GLIS1: variants seen among roughly 807,000 people sequenced by gnomAD.
GLIS1 encodes the protein GLIS family zinc finger 1.
GLIS1 carries 24 observed loss-of-function variants against 63.8 expected under a neutral mutation model. The observed-to-expected ratio is 0.38, with a 90% CI of 0.27 to 0.53. GLIS1 has a LOEUF of 0.53. Ranked by LOEUF, GLIS1 falls within the 20% of genes least tolerant of loss-of-function variation. The pLI, the probability that GLIS1 is intolerant of heterozygous loss-of-function variation, is 0.85. For missense variants in GLIS1, 1,036 were observed against 1,074.1 expected, an observed-to-expected ratio of 0.96 and a Z score of 0.50; for synonymous variants, 450 against 482.5, an observed-to-expected ratio of 0.93 and a Z score of 0.88.
chr1:53,678,155 A>C (rs1017330560), intron 2 of GLIS1, among the ~76,000 whole-genome samples: 2 of 151,988 alleles, frequency 1.3e-5, no homozygotes, highest in Non-Finnish European at 2.9e-5. Context: ...GGGCACCCCC[A>C]TCAGACCTGA....
intron 2 of GLIS1, among the ~76,000 whole-genome samples, chr1:53,616,255 A>G (rs1332116672): frequency 1.3e-5 from 2 of 152,204 alleles, no homozygotes; most frequent in Non-Finnish European, 2.9e-5. Context: ...ATGGTGACCA[A>G]CACTCAAAAC....
intron 4 of GLIS1, among the ~76,000 whole-genome samples, chr1:53,583,996 C>T (rs1302888635): frequency 1.3e-5 from 2 of 152,214 alleles, no homozygotes; most frequent in Non-Finnish European, 2.9e-5. Flanking sequence ...CTAGGCTGAC[C>T]TGGCCTGGCC....
At chr1:53,697,431 A>G (rs1427177187) in intron 2 of GLIS1, among the ~76,000 whole-genome samples, 1 of 152,134 alleles carries the variant, frequency 6.6e-6, no homozygotes, top group Non-Finnish European at 1.5e-5. Context: ...CACCCTTCAA[A>G]GCATGGTTCA....
chr1:53,715,478 C>T (rs895471406), intron 2 of GLIS1, among the ~76,000 whole-genome samples: 8 of 152,106 alleles, frequency 5.3e-5, no homozygotes, highest in African/African-American at 1.7e-4. Flanking sequence ...GAACAGAGGG[C>T]GGACAGAGGG....
intron 2 of GLIS1, among the ~76,000 whole-genome samples, chr1:53,636,468 A>G (rs1180053179): frequency 2.0e-5 from 3 of 152,268 alleles, no homozygotes; most frequent in African/African-American, 7.2e-5. Flanking sequence ...TAATGTGATA[A>G]AGAATATTTG....
intron 7 of GLIS1, among the ~76,000 whole-genome samples, chr1:53,514,999 G>A (rs193191395): frequency 6.6e-6 from 1 of 152,276 alleles, no homozygotes; most frequent in Non-Finnish European, 1.5e-5. Flanking sequence ...GCTGTGTCCA[G>A]GGCTGGGGCT....
At chr1:53,645,038 T>C (rs1645828288) in intron 2 of GLIS1, among the ~76,000 whole-genome samples, 1 of 152,210 alleles carries the variant, frequency 6.6e-6, no homozygotes, top group Non-Finnish European at 1.5e-5. Context: ...GGCATGTGCA[T>C]AGGAAATGTC....
At chr1:53,654,980 G>A (rs1230314440) in intron 2 of GLIS1, among the ~76,000 whole-genome samples, 20 of 152,196 alleles carry the variant, frequency 1.3e-4, no homozygotes, top group Non-Finnish European at 1.5e-5. Context: ...TGCTTACATG[G>A]GGATGGGGAT....
At chr1:53,552,016 A>T (rs1357743630) in intron 4 of GLIS1, among the ~76,000 whole-genome samples, 2 of 151,652 alleles carry the variant, frequency 1.3e-5, no homozygotes, top group Non-Finnish European at 2.9e-5. Flanking sequence ...CCCCAAACAA[A>T]CTCTGCAACC....
intron 4 of GLIS1, 90 bp downstream of exon 4, chr1:53,594,018 G>A: frequency 2.1e-6 from 3 of 1,415,594 alleles, no homozygotes; most frequent in Non-Finnish European, 2.8e-6. Context: ...CCAGAGGACG[G>A]AGTCCCAGGC....
At chr1:53,601,586 C>T (rs1041933173) in intron 2 of GLIS1, among the ~76,000 whole-genome samples, 3 of 152,190 alleles carry the variant, frequency 2.0e-5, no homozygotes, top group African/African-American at 7.2e-5. Flanking sequence ...ACTTGAGCAT[C>T]CCCACTGCTG....
intron 7 of GLIS1, among the ~76,000 whole-genome samples, chr1:53,516,459 G>T (rs1441203766): frequency 6.6e-6 from 1 of 151,920 alleles, no homozygotes; most frequent in African/African-American, 2.4e-5. Flanking sequence ...AAACTGCACG[G>T]ATTAACAAGG....
intron 2 of GLIS1, among the ~76,000 whole-genome samples, chr1:53,726,284 A>G (rs1273519671): frequency 6.6e-6 from 1 of 152,204 alleles, no homozygotes; most frequent in Non-Finnish European, 1.5e-5. Context: ...AACTCCGGGC[A>G]CATCATTTAG....
chr1:53,641,648 A>G lies in GLIS1; in HGVS notation c.260-41370T>C, dbSNP rs541543407. 3.9e-5 allele frequency among the ~76,000 whole-genome samples: 6 copies of G among 152,190 alleles called. No individual in the cohort carries two copies. In the South Asian group the frequency reaches 1.2e-3, roughly 32 times the overall value. ...TTGGGGGCCTAAGGGCACTTTGTGG[A>G]TGATGGAGCCTTGAATAAACAAGGA... On this transcript the variant is annotated intron_variant, in intron 2 of 10. Transcript: ENST00000628545.
At chr1:53,540,211 C>T (rs796251041) in intron 4 of GLIS1, among the ~76,000 whole-genome samples, 3 of 152,320 alleles carry the variant, frequency 2.0e-5, no homozygotes, top group African/African-American at 7.2e-5. Flanking sequence ...GCCTGCCCCG[C>T]CCACACAGCC....
intron 2 of GLIS1, among the ~76,000 whole-genome samples, chr1:53,685,363 G>T (rs963475284): frequency 1.3e-5 from 2 of 152,336 alleles, no homozygotes; most frequent in South Asian, 2.1e-4. Context: ...GAGCGCCGTG[G>T]TGTCTGCGCT....
At chr1:53,630,460 T>C (rs1645639340) in intron 2 of GLIS1, among the ~76,000 whole-genome samples, 1 of 151,640 alleles carries the variant, frequency 6.6e-6, no homozygotes, top group Admixed American at 6.6e-5. Context: ...GCCCAATTTA[T>C]ACTCCCACCA....
chr1:53,665,214 A>T (rs1290041105), intron 2 of GLIS1, among the ~76,000 whole-genome samples: 2 of 152,078 alleles, frequency 1.3e-5, no homozygotes, highest in Non-Finnish European at 2.9e-5. Flanking sequence ...GGAAAGAGCA[A>T]GATTTGGGGC....
rs374216550 is a variant in GLIS1, at chr1:53,680,901, T to C, written c.259+56905A>G. ...TGACTGTGGACAAGAGCTTTACCCTTCACTGTGCCCAAGGTGAACTTCTCC... is the reference window on the plus strand; with the variant it reads ...TGACTGTGGACAAGAGCTTTACCCTCCACTGTGCCCAAGGTGAACTTCTCC... On this transcript the variant is annotated intron_variant, in intron 2 of 10. Coordinates refer to ENST00000628545, the MANE Select transcript of GLIS1 (RefSeq NM_001367484.1). Among the ~76,000 whole-genome samples the C allele has an allele frequency of 7.2e-5, 11 of 152,192 alleles. No homozygotes were observed. In the South Asian group the frequency reaches 1.5e-3, roughly 20 times the overall value.
Sources: gnomAD v4.1 joint callset for allele counts (sites outside exome capture counted in the v4.1 genomes callset) on GRCh38, gnomAD v4.1.1 for gene constraint, MANE v1.5 for transcripts, NCBI Gene and HGNC (gene_info 2026-07-23, HGNC 2026-07-21) for gene names.